Variants in CD8B2 observed in about 807,000 individuals in gnomAD.
CD8B2 encodes T-cell surface glycoprotein CD8 beta-2 chain.
Under a neutral mutation model 23.7 loss-of-function variants are expected in CD8B2, and 11 were observed. The ratio of observed to expected loss-of-function variants is 0.46; its 90% CI spans 0.29 to 0.77. CD8B2 has a LOEUF of 0.77. Ranked by LOEUF, CD8B2 falls within the 30% of genes least tolerant of loss-of-function variation. The pLI, the probability that CD8B2 is intolerant of heterozygous loss-of-function variation, is 0.09. For synonymous variants in CD8B2, 90 were observed against 109.3 expected (o/e 0.82, Z 1.10); for missense variants, 197 against 270.5 (o/e 0.73, Z 1.91).
chr2:106,513,338 A>G (rs1679673050), downstream of CD8B2, among the ~76,000 whole-genome samples: 1 of 152,082 alleles, frequency 6.6e-6, no homozygotes, highest in Admixed American at 6.6e-5. Flanking sequence ...CAAGGCTGGC[A>G]CTTGCGTGGC....
chr2:106,520,309 A>G (rs535650278), intron 5 of CD8B2, among the ~76,000 whole-genome samples: 22 of 152,354 alleles, frequency 1.4e-4, no homozygotes, highest in Admixed American at 3.9e-4. Flanking sequence ...AGACTGAAAA[A>G]TGACAGAAGG....
chr2:106,537,555 T>C (rs1442766701), intron 5 of CD8B2, among the ~76,000 whole-genome samples: 2 of 152,250 alleles, frequency 1.3e-5, no homozygotes, highest in Non-Finnish European at 2.9e-5. Flanking sequence ...ATTTCTCATT[T>C]GAATCCACAT....
chr2:106,523,461 C>A (rs540706040), intron 5 of CD8B2, among the ~76,000 whole-genome samples: 1 of 152,070 alleles, frequency 6.6e-6, no homozygotes, highest in African/African-American at 2.4e-5. Flanking sequence ...AAAGCCTCAC[C>A]GTAGAAGGAA....
chr2:106,533,564 C>A (rs562472080), intron 5 of CD8B2, among the ~76,000 whole-genome samples: 2 of 152,258 alleles, frequency 1.3e-5, no homozygotes, highest in Admixed American at 1.3e-4. Flanking sequence ...TTTATCCTGT[C>A]CATCCCCTCC....
intron 2 of CD8B2, among the ~76,000 whole-genome samples, chr2:106,495,838 G>T (rs551866945): frequency 6.6e-6 from 1 of 152,158 alleles, no homozygotes; most frequent in Non-Finnish European, 1.5e-5. Flanking sequence ...TTGCTCTGTC[G>T]CCCAAGCCAG....
chr2:106,502,606 G>C, intron 4 of CD8B2, 43 bp downstream of exon 4: 1 of 1,065,342 alleles, frequency 9.4e-7, no homozygotes, highest in East Asian at 2.7e-5. Context: ...CCTGTTTGCT[G>C]TTTGAAGTGT....
At chr2:106,529,963 C>T (rs150287372) in intron 5 of CD8B2, among the ~76,000 whole-genome samples, 5 of 152,264 alleles carry the variant, frequency 3.3e-5, no homozygotes, top group African/African-American at 1.2e-4. Context: ...AGTGGGACTA[C>T]GAAGTACTCA....
chr2:106,532,813 ATC>A (rs1489189083), intron 5 of CD8B2, among the ~76,000 whole-genome samples: 1 of 152,152 alleles, frequency 6.6e-6, no homozygotes, highest in Non-Finnish European at 1.5e-5. Flanking sequence ...CTTTACTGCA[ATC>A]TGTTTTACCA....
rs73952235 is a variant in CD8B2, at chr2:106,493,248, T to G, written c.403+2015T>G. On this transcript the variant is annotated intron_variant, in intron 2 of 5. Coordinates refer to ENST00000643224, the MANE Select transcript of CD8B2 (RefSeq NM_001349727.2). The stretch of plus-strand genomic sequence containing the variant: ...AAAGCTGGGATGGTTGAGAAAGTGT[T>G]TGGGGAGAGACAGGGCCTTTTTCAG... Among the ~76,000 whole-genome samples, 1,097 of 152,262 alleles carry G rather than the reference T, an allele frequency of 7.2e-3. 11 individuals are homozygous for G. Among genetic ancestry groups the G allele is most frequent in the African/African-American group, 0.024 (1,013 of 41,538 alleles).
intron 4 of CD8B2, among the ~76,000 whole-genome samples, 151 bp downstream of exon 4, chr2:106,502,714 C>T (rs1679435599): frequency 6.6e-6 from 1 of 152,160 alleles, no homozygotes; most frequent in Non-Finnish European, 1.5e-5. Context: ...TAGTTCTTGG[C>T]CTGGGGCTAC....
intron 2 of CD8B2, among the ~76,000 whole-genome samples, chr2:106,493,618 C>T (rs1251080469): frequency 6.6e-6 from 1 of 152,150 alleles, no homozygotes; most frequent in Non-Finnish European, 1.5e-5. Flanking sequence ...GCACCCTCTC[C>T]GACCCTGCTG....
chr2:106,531,377 G>T lies in CD8B2; in HGVS notation c.621-12615G>T, dbSNP rs181169145. The stretch of plus-strand genomic sequence containing the variant: ...TTTTCCTTTGGGCAATAATCCAATT[G>T]CCCCAAATTCTGAAACATCAGACGC... On this transcript the variant is annotated intron_variant, in intron 5 of 5. Transcript: ENST00000416057. Among the ~76,000 whole-genome samples the T allele has an allele frequency of 3.1e-3, 477 of 152,236 alleles. 7 individuals carry two copies. Among genetic ancestry groups the T allele is most frequent in the Non-Finnish European group, 1.1e-3 (77 of 68,018 alleles).
chr2:106,528,606 A>T (rs1679948106), intron 5 of CD8B2, among the ~76,000 whole-genome samples: 1 of 152,216 alleles, frequency 6.6e-6, no homozygotes, highest in African/African-American at 2.4e-5. Flanking sequence ...ATGAGTAGAG[A>T]TTTAAGAACA....
intron 2 of CD8B2, among the ~76,000 whole-genome samples, chr2:106,493,592 G>T (rs1405912592): frequency 6.6e-6 from 1 of 152,128 alleles, no homozygotes; most frequent in Non-Finnish European, 1.5e-5. Flanking sequence ...ACTCCCAGGA[G>T]AGGGCCAGGC....
chr2:106,532,718 C>T (rs1267964232), intron 5 of CD8B2, among the ~76,000 whole-genome samples: 1 of 152,222 alleles, frequency 6.6e-6, no homozygotes, highest in South Asian at 2.1e-4. Context: ...TGTAAACTAT[C>T]ATGGCACTCG....
intron 5 of CD8B2, among the ~76,000 whole-genome samples, chr2:106,538,272 G>A (rs964868017): frequency 1.3e-5 from 2 of 152,174 alleles, no homozygotes; most frequent in Non-Finnish European, 2.9e-5. Flanking sequence ...GCTGAGGAAG[G>A]TTTAGGCTGT....
At chr2:106,490,638 G>C (rs1383643616) in intron 1 of CD8B2, among the ~76,000 whole-genome samples, 1 of 152,260 alleles carries the variant, frequency 6.6e-6, no homozygotes, top group Non-Finnish European at 1.5e-5. Flanking sequence ...TCTCTCCCCT[G>C]TACCTTTGTA....
chr2:106,514,509 G>A (rs1679694838), downstream of CD8B2, among the ~76,000 whole-genome samples: 2 of 151,470 alleles, frequency 1.3e-5, no homozygotes, highest in Admixed American at 1.3e-4. Context: ...GGCTGGTCTC[G>A]AACTCCTGAC....
intron 5 of CD8B2, among the ~76,000 whole-genome samples, chr2:106,540,961 G>A (rs1680163137): frequency 6.6e-6 from 1 of 152,212 alleles, no homozygotes; most frequent in Admixed American, 6.5e-5. Context: ...GGCTGGGGGA[G>A]TGGAGACAGC....
Sources: allele counts gnomAD v4.1 joint callset (sites outside exome capture counted in the v4.1 genomes callset), GRCh38; gene constraint gnomAD v4.1.1; transcripts MANE v1.5; gene names NCBI Gene and HGNC (gene_info 2026-07-23, HGNC 2026-07-21).